The following LIMS1 variants were observed in gnomAD, a reference collection of about 807,000 sequenced individuals.
LIMS1 encodes the protein LIM and senescent cell antigen-like-containing domain protein 1.
In LIMS1, 18 loss-of-function variants were observed where a neutral mutation model predicts 44.1. That is an observed-to-expected ratio of 0.41 (90% CI 0.28 to 0.61). The LOEUF (loss-of-function observed/expected upper bound fraction) is 0.61. LIMS1 is among the 20% of genes least tolerant of loss of function. LIMS1 has a pLI of 0.32. For synonymous variants in LIMS1, 93 were observed against 149.1 expected (o/e 0.62, Z 2.74); for missense variants, 201 against 422.0 (o/e 0.48, Z 4.59).
intron 1 of LIMS1, among the ~76,000 whole-genome samples, chr2:108,618,625 G>C (rs2148867434): frequency 6.6e-6 from 1 of 152,252 alleles, no homozygotes; most frequent in Middle Eastern, 3.4e-3. Context: ...AGGAGATCAA[G>C]ACCATCTTGG....
chr2:108,546,850 A>G (rs1270997475), intron 1 of LIMS1, among the ~76,000 whole-genome samples: 3 of 152,178 alleles, frequency 2.0e-5, no homozygotes, highest in African/African-American at 7.2e-5. Flanking sequence ...AATACTGTGC[A>G]TGTTTTATAA....
intron 1 of LIMS1, among the ~76,000 whole-genome samples, chr2:108,575,967 G>T (rs567940620): frequency 3.1e-4 from 47 of 152,242 alleles, no homozygotes; most frequent in African/African-American, 1.1e-3. Flanking sequence ...CAGGAAGCAG[G>T]CACCTGGGGC....
At position 108,630,206 on chromosome 2, in the gene LIMS1, AAAAAAAAAAGAAAG is replaced by A. The variant is rs1330632321; in HGVS notation, c.33-29394_33-29381del. 2.6e-5 allele frequency among the ~76,000 whole-genome samples: 4 copies of A among 151,392 alleles called. No homozygotes were observed. The East Asian group carries it at 7.8e-4, about 29-fold the overall frequency. ...AGACCCTGTCTCAAAAAAAAAAAAA[AAAAAAAAAAGAAAG>A]AAAAGAAAACCAGAAGACAGCCTGC... On this transcript the variant is annotated intron_variant, in intron 1 of 9. Transcript: ENST00000544547.
At chr2:108,551,782 ATATACAGATATATCTG>A (rs1473747185) in intron 1 of LIMS1, among the ~76,000 whole-genome samples, 1 of 146,170 alleles carries the variant, frequency 6.8e-6, no homozygotes, top group Non-Finnish European at 1.5e-5. Flanking sequence ...ATCATATACA[ATATACAGATATATCTG>A]TATATATGTA....
At chr2:108,576,572 TG>T (rs1233074944) in intron 1 of LIMS1, among the ~76,000 whole-genome samples, 1 of 152,112 alleles carries the variant, frequency 6.6e-6, no homozygotes, top group African/African-American at 2.4e-5. Flanking sequence ...GGCTAATTTT[TG>T]TATTTTTAGT....
intron 1 of LIMS1, among the ~76,000 whole-genome samples, chr2:108,565,011 A>G (rs965672908): frequency 6.9e-6 from 1 of 145,304 alleles, no homozygotes; most frequent in Non-Finnish European, 1.5e-5. Context: ...ATAGTTCAGG[A>G]AGTGTTTGTG....
intron 1 of LIMS1, among the ~76,000 whole-genome samples, chr2:108,611,926 A>G (rs1230588529): frequency 3.4e-5 from 5 of 145,388 alleles, no homozygotes; most frequent in African/African-American, 1.3e-4. Context: ...TATAAAATAT[A>G]TATATACATA....
At chr2:108,626,946 C>G (rs959588568) in intron 1 of LIMS1, among the ~76,000 whole-genome samples, 3 of 152,228 alleles carry the variant, frequency 2.0e-5, no homozygotes, top group Non-Finnish European at 4.4e-5. Context: ...ACAAACATGA[C>G]AGTGGTCTCT....
At chr2:108,681,226 T>C in intron 9 of LIMS1, 6 of 1,253,822 alleles carry the variant, frequency 4.8e-6, no homozygotes, top group Non-Finnish European at 6.0e-6. Context: ...CCTGCAACTT[T>C]TGGGCATGTA....
chr2:108,556,941 C>T (rs1241661408), intron 1 of LIMS1, among the ~76,000 whole-genome samples: 1 of 152,240 alleles, frequency 6.6e-6, no homozygotes, highest in Non-Finnish European at 1.5e-5. Context: ...TCAGGGCTGC[C>T]TTTGCTCACT....
At chr2:108,567,584 T>C (rs1685336823) in intron 1 of LIMS1, among the ~76,000 whole-genome samples, 2 of 152,160 alleles carry the variant, frequency 1.3e-5, no homozygotes, top group Admixed American at 1.3e-4. Context: ...TTGTTTTTTG[T>C]TTTTTGAGAT....
intron 1 of LIMS1, among the ~76,000 whole-genome samples, chr2:108,536,598 C>T (rs536138471): frequency 6.6e-6 from 1 of 152,316 alleles, no homozygotes; most frequent in East Asian, 1.9e-4. Context: ...GTTTTTGAGA[C>T]AGTGTCTTGC....
At chr2:108,637,408 A>G (rs1343480814) in intron 1 of LIMS1, among the ~76,000 whole-genome samples, 1 of 152,108 alleles carries the variant, frequency 6.6e-6, no homozygotes, top group Non-Finnish European at 1.5e-5. Flanking sequence ...ACAAAATAAA[A>G]ACTCCCACGG....
chr2:108,595,972 G>T (rs1210442916), intron 1 of LIMS1, among the ~76,000 whole-genome samples: 1 of 148,604 alleles, frequency 6.7e-6, no homozygotes, highest in Non-Finnish European at 1.5e-5. Flanking sequence ...AGGGTGGAAG[G>T]CTTATGCTGA....
intron 1 of LIMS1, among the ~76,000 whole-genome samples, chr2:108,574,538 C>T (rs924823394): frequency 2.6e-5 from 4 of 152,148 alleles, no homozygotes; most frequent in Admixed American, 6.5e-5. Flanking sequence ...TGCTCTCTCA[C>T]CTCCTCCACC....
chr2:108,668,431 C>T (rs1253753675), intron 2 of LIMS1, among the ~76,000 whole-genome samples: 1 of 152,160 alleles, frequency 6.6e-6, no homozygotes. Context: ...TGAAATCAAC[C>T]TCTTTAGATT....
intron 1 of LIMS1, among the ~76,000 whole-genome samples, chr2:108,617,667 G>T (rs1688000961): frequency 6.6e-6 from 1 of 152,196 alleles, no homozygotes; most frequent in Admixed American, 6.5e-5. Context: ...GGGATATGGG[G>T]TTTAGAAAGG....
chr2:108,583,530 T>C (rs915541508), intron 1 of LIMS1, among the ~76,000 whole-genome samples: 4 of 152,188 alleles, frequency 2.6e-5, no homozygotes, highest in Admixed American at 2.0e-4. Context: ...TAGCACTTGA[T>C]AGATTGGGTA....
chr2:108,640,489 C>G (rs951793584), intron 1 of LIMS1, among the ~76,000 whole-genome samples: 3 of 152,210 alleles, frequency 2.0e-5, no homozygotes, highest in Non-Finnish European at 4.4e-5. Context: ...CCTTGTGTTG[C>G]AGAACCCCAT....
Sources: allele counts gnomAD v4.1 joint callset (sites outside exome capture counted in the v4.1 genomes callset), GRCh38; gene constraint gnomAD v4.1.1; transcripts MANE v1.5; gene names NCBI Gene and HGNC (gene_info 2026-07-23, HGNC 2026-07-21).